The following PLEKHA2 variants were observed in gnomAD, a reference collection of about 807,000 sequenced individuals.
PLEKHA2 encodes the protein pleckstrin homology domain-containing family A member 2.
In PLEKHA2, 28 loss-of-function variants were observed where a neutral mutation model predicts 53.2. The observed-to-expected ratio is 0.53, with a 90% CI of 0.39 to 0.72. The LOEUF is 0.72. Among genes scored for constraint, PLEKHA2 ranks in the 30% least tolerant of loss-of-function variants. PLEKHA2 has a pLI of 0.00. For synonymous variants in PLEKHA2, 193 were observed against 196.4 expected, an observed-to-expected ratio of 0.98 and a Z score of 0.14; for missense variants, 426 against 537.9, an observed-to-expected ratio of 0.79 and a Z score of 2.06.
At chr8:38,942,050 C>G (rs1158088328) in intron 3 of PLEKHA2, among the ~76,000 whole-genome samples, 1 of 152,198 alleles carries the variant, frequency 6.6e-6, no homozygotes, top group African/African-American at 2.4e-5. Context: ...CAGGAAGATA[C>G]TTTAATTTCA....
rs1834642914 is a variant in PLEKHA2, at chr8:38,943,128, G to A, written c.199-661G>A. Among the ~76,000 whole-genome samples, 3 of 152,198 alleles carry A rather than the reference G, an allele frequency of 2.0e-5. No individual in the cohort carries two copies. The South Asian group carries it at 6.2e-4, about 32-fold the overall frequency. On this transcript the variant is annotated intron_variant, in intron 3 of 11. Transcript: ENST00000617275. ...CGGTTGAAAGAGGAGGGGAGGAGGG[G>A]AATCTTGCTAGTGTGAATGAGGCCA...
chr8:38,930,846 C>T (rs565457648), intron 2 of PLEKHA2, among the ~76,000 whole-genome samples: 2 of 152,230 alleles, frequency 1.3e-5, no homozygotes, highest in African/African-American at 4.8e-5. Context: ...GCAGGACCAG[C>T]TGGTGCCTAC....
At position 38,957,318 on chromosome 8, in the gene PLEKHA2, T is replaced by C. The variant is rs756721824; in HGVS notation, c.774-5T>C. 6.2e-7 allele frequency: 1 copy of C among 1,609,750 alleles called. No homozygotes were observed. The highest frequency in any genetic ancestry group is 8.5e-7 in the Non-Finnish European group (1 of 1,176,360). On this transcript the variant is annotated splice_polypyrimidine_tract_variant and splice_region_variant and intron_variant, in intron 9 of 11. Transcript: ENST00000617275. ...CCATAACATTCTTTCTCTTTCTCTGTCTAGTGATCTCTTAATGAGGGACAA... is the reference window on the plus strand; with the variant it reads ...CCATAACATTCTTTCTCTTTCTCTGCCTAGTGATCTCTTAATGAGGGACAA...
chr8:38,969,129 G>C (rs1835194570), intron 11 of PLEKHA2: 1 of 400,420 alleles, frequency 2.5e-6, no homozygotes, highest in Admixed American at 4.4e-5. Context: ...TCAAACTCCT[G>C]ACCTCAGGTG....
intron 2 of PLEKHA2, among the ~76,000 whole-genome samples, chr8:38,919,298 A>G (rs1395377432): frequency 6.6e-6 from 1 of 152,210 alleles, no homozygotes; most frequent in Admixed American, 6.5e-5. Context: ...TGCTATGTCT[A>G]GGAGTCCCTG....
chr8:38,951,923 AT>A (rs1834851519), intron 6 of PLEKHA2, among the ~76,000 whole-genome samples: 1 of 152,012 alleles, frequency 6.6e-6, no homozygotes, highest in Admixed American at 6.6e-5. Flanking sequence ...ACAATTTTTA[AT>A]TTTTTTGTAG....
chr8:38,943,145 A>G (rs1261156451), intron 3 of PLEKHA2, among the ~76,000 whole-genome samples: 1 of 152,050 alleles, frequency 6.6e-6, no homozygotes. Flanking sequence ...GCTAGTGTGA[A>G]TGAGGCCAGG....
chr8:38,955,380 A>G (rs1834920876), intron 9 of PLEKHA2, among the ~76,000 whole-genome samples: 1 of 152,240 alleles, frequency 6.6e-6, no homozygotes, highest in Non-Finnish European at 1.5e-5. Flanking sequence ...TCAGAAACTC[A>G]GAAAGTAATC....
intron 5 of PLEKHA2, 122 bp downstream of exon 5, chr8:38,946,343 C>A: frequency 1.3e-6 from 1 of 759,376 alleles, no homozygotes; most frequent in Non-Finnish European, 2.2e-6. Flanking sequence ...CTGGTCTGTA[C>A]CCAGTTCTCT....
Position 38,924,273 on chromosome 8 carries a change from C to T in PLEKHA2, c.141+6203C>T, listed in dbSNP as rs373656298. Among the ~76,000 whole-genome samples the T allele has an allele frequency of 2.0e-5, 3 of 152,188 alleles. No individual in the cohort carries two copies. The South Asian group carries it at 6.2e-4, about 32-fold the overall frequency. ...AGTCATTGTGGGGCAGAGGTGAGCTCGCCTGGTTGGAGGGGCATTTAGGGT... is the reference window on the plus strand; with the variant it reads ...AGTCATTGTGGGGCAGAGGTGAGCTTGCCTGGTTGGAGGGGCATTTAGGGT... On this transcript the variant is annotated intron_variant, in intron 2 of 11. Transcript: ENST00000617275.
At chr8:38,962,996 G>A (rs1835067113) in intron 10 of PLEKHA2, among the ~76,000 whole-genome samples, 2 of 152,242 alleles carry the variant, frequency 1.3e-5, no homozygotes, top group Non-Finnish European at 2.9e-5. Flanking sequence ...AGAACAGAAT[G>A]AAGGAGGAGT....
At chr8:38,915,293 G>A (rs1298424711) in intron 1 of PLEKHA2, among the ~76,000 whole-genome samples, 2 of 152,188 alleles carry the variant, frequency 1.3e-5, no homozygotes, top group Non-Finnish European at 1.5e-5. Context: ...AAGGGTAACC[G>A]TATTAGGCTG....
intron 5 of PLEKHA2, among the ~76,000 whole-genome samples, chr8:38,949,472 A>G (rs1392270241): frequency 6.6e-6 from 1 of 152,244 alleles, no homozygotes; most frequent in Non-Finnish European, 1.5e-5. Flanking sequence ...AAATATCCCA[A>G]AACTTAGATG....
Position 38,912,506 on chromosome 8 carries a change from A to G in PLEKHA2, c.-23-5401A>G, listed in dbSNP as rs138556820. Reference sequence around the variant, plus strand: ...TTTCTCCCCTCACTGGCTCATTGCTAGAATAGTAGAAGCTAGGGATGAGCT... The same window carrying G: ...TTTCTCCCCTCACTGGCTCATTGCTGGAATAGTAGAAGCTAGGGATGAGCT... On this transcript the variant is annotated intron_variant, in intron 1 of 11. Transcript: ENST00000617275. 3.3e-5 allele frequency among the ~76,000 whole-genome samples: 5 copies of G among 152,324 alleles called. No homozygotes were observed. The East Asian group carries it at 9.6e-4, about 29-fold the overall frequency.
chr8:38,912,976 G>A (rs897623469), intron 1 of PLEKHA2, among the ~76,000 whole-genome samples: 1 of 152,140 alleles, frequency 6.6e-6, no homozygotes, highest in Non-Finnish European at 1.5e-5. Context: ...CCTTGGGTCC[G>A]TGAGGGCCCT....
chr8:38,913,874 A>C (rs1241956763), intron 1 of PLEKHA2, among the ~76,000 whole-genome samples: 1 of 151,998 alleles, frequency 6.6e-6, no homozygotes. Flanking sequence ...CCTGTTTCTG[A>C]ACTCAAACTT....
rs1834343977 is a variant in PLEKHA2, at chr8:38,929,188, C to T, written c.142-6806C>T. Among the ~76,000 whole-genome samples, 3 of 152,188 alleles carry T rather than the reference C, an allele frequency of 2.0e-5. No individual in the cohort carries two copies. In the South Asian group the frequency reaches 6.2e-4, roughly 32 times the overall value. On this transcript the variant is annotated intron_variant, in intron 2 of 11. Coordinates refer to ENST00000617275, the MANE Select transcript of PLEKHA2 (RefSeq NM_021623.2). ...TAGCTCTGGGATTACCAGGGGCGTC[C>T]CCTCCCTCCGTCTCCTGCTAGCTGC... is the stretch of plus-strand genomic sequence containing the variant.
chr8:38,948,403 A>G lies in PLEKHA2; in HGVS notation c.345+2182A>G, dbSNP rs543376689. Among the ~76,000 whole-genome samples the G allele has an allele frequency of 7.2e-5, 11 of 152,312 alleles. No individual in the cohort carries two copies. In the South Asian group the frequency reaches 2.3e-3, roughly 32 times the overall value. The stretch of plus-strand genomic sequence containing the variant: ...TCATGCCTGGTTGATAAGATTAGTG[A>G]TAATGCAGCAAAGAGCTTATCAGTG... On this transcript the variant is annotated intron_variant, in intron 5 of 11. Transcript: ENST00000617275.
intron 2 of PLEKHA2, among the ~76,000 whole-genome samples, chr8:38,924,342 G>A (rs576667207): frequency 2.6e-5 from 4 of 152,258 alleles, no homozygotes; most frequent in South Asian, 4.2e-4. Context: ...GGAGTCAGGC[G>A]CTGAGACAGG....
Sources: allele counts gnomAD v4.1 joint callset (sites outside exome capture counted in the v4.1 genomes callset), GRCh38; gene constraint gnomAD v4.1.1; transcripts MANE v1.5; gene names NCBI Gene and HGNC (gene_info 2026-07-23, HGNC 2026-07-21).